Variants in RBKS observed in about 807,000 individuals in gnomAD.
RBKS encodes the protein ribokinase.
A neutral mutation model predicts 33.9 loss-of-function variants in RBKS; 33 were observed. The observed-to-expected ratio is 0.97, with a 90% CI of 0.74 to 1.30. The LOEUF (loss-of-function observed/expected upper bound fraction) is 1.30. Ranked by LOEUF, RBKS falls within the 50% of genes most tolerant of loss-of-function variation. The pLI is 0.00. For missense variants in RBKS, 361 were observed against 392.6 expected, an observed-to-expected ratio of 0.92 and a Z score of 0.68; for synonymous variants, 125 against 143.0, an observed-to-expected ratio of 0.87 and a Z score of 0.90.
chr2:27,798,206 A>C (rs1677697263), intron 7 of RBKS, among the ~76,000 whole-genome samples: 1 of 152,160 alleles, frequency 6.6e-6, no homozygotes, highest in Non-Finnish European at 1.5e-5. Context: ...GTATGTAGCC[A>C]TACAGTTTCA....
chr2:27,820,595 T>A (rs944970437), intron 7 of RBKS, among the ~76,000 whole-genome samples: 2 of 151,874 alleles, frequency 1.3e-5, no homozygotes, highest in Non-Finnish European at 2.9e-5. Flanking sequence ...TTCTTTTTCT[T>A]GAGACAGGGT....
chr2:27,786,653 G>A (rs1010493403), intron 7 of RBKS, among the ~76,000 whole-genome samples: 1 of 152,042 alleles, frequency 6.6e-6, no homozygotes, highest in African/African-American at 2.4e-5. Flanking sequence ...GTGGTGGTGG[G>A]TGCCTGTAAT....
At chr2:27,811,805 G>A (rs1213643335) in intron 7 of RBKS, among the ~76,000 whole-genome samples, 2 of 152,132 alleles carry the variant, frequency 1.3e-5, no homozygotes, top group South Asian at 2.1e-4. Flanking sequence ...TTGCTGGTCC[G>A]GGTAATCATG....
At chr2:27,781,953 C>T (rs1677295689) in intron 7 of RBKS, among the ~76,000 whole-genome samples, 165 bp from the exon 8 acceptor site, 1 of 152,166 alleles carries the variant, frequency 6.6e-6, no homozygotes, top group African/African-American at 2.4e-5. Flanking sequence ...TCTGTTAACA[C>T]CTTACTGTGG....
chr2:27,864,435 T>C (rs1159016100), intron 1 of RBKS, among the ~76,000 whole-genome samples: 3 of 152,318 alleles, frequency 2.0e-5, no homozygotes, highest in African/African-American at 7.2e-5. Flanking sequence ...TTTCACAATG[T>C]CATATCCTTG....
In RBKS at chr2:27,827,740, C is replaced by A; in HGVS notation, c.622G>T (p.Gly208Cys). The A allele has an allele frequency of 1.9e-6, 3 of 1,600,504 alleles. No individual in the cohort carries two copies. Among genetic ancestry groups the A allele is most frequent in the Non-Finnish European group, 2.6e-6 (3 of 1,175,490 alleles). The change falls in exon 7 of 8, where the codon GGC becomes TGC. Residue 208 changes from glycine (G) to cysteine (C), a missense_variant. Physicochemically the swap from Gly to Cys is radical, Grantham distance 159 (BLOSUM62 -3). Coordinates refer to ENST00000302188, the MANE Select transcript of RBKS (RefSeq NM_022128.3). ...CNESEAEILTGLTVGSAADAG... is the reference protein window; with the variant it reads ...CNESEAEILTCLTVGSAADAG... ...TCTGCAGCGCTGCCCACCGTGAGGC[C>A]AGTTAAAATCTCAGCCTAGAATACA... is the stretch of plus-strand genomic sequence containing the variant.
intron 1 of RBKS, among the ~76,000 whole-genome samples, chr2:27,887,648 T>A (rs1266159038): frequency 1.3e-5 from 2 of 152,118 alleles, no homozygotes; most frequent in Non-Finnish European, 2.9e-5. Context: ...GGGAATACAG[T>A]TTTTACTAAT....
intron 1 of RBKS, among the ~76,000 whole-genome samples, chr2:27,882,521 A>G (rs1664439300): frequency 6.6e-6 from 1 of 152,196 alleles, no homozygotes; most frequent in Admixed American, 6.5e-5. Flanking sequence ...CAGGGTTGCA[A>G]TTCCTTCAGA....
intron 1 of RBKS, among the ~76,000 whole-genome samples, chr2:27,873,088 G>C (rs567143072): frequency 7.2e-5 from 11 of 152,216 alleles, no homozygotes; most frequent in Admixed American, 3.3e-4. Context: ...CCATTTCCTA[G>C]GAACCTTCCC....
intron 1 of RBKS, among the ~76,000 whole-genome samples, chr2:27,866,966 T>C (rs940752205): frequency 5.9e-5 from 9 of 152,060 alleles, no homozygotes; most frequent in Non-Finnish European, 1.2e-4. Context: ...TAGCTGGGTA[T>C]GGTGGCGTGC....
At chr2:27,842,264 G>C (rs1249623644) in intron 5 of RBKS, among the ~76,000 whole-genome samples, 1 of 152,186 alleles carries the variant, frequency 6.6e-6, no homozygotes, top group Non-Finnish European at 1.5e-5. Flanking sequence ...AGAGGAGTGA[G>C]TGGGAGAAAA....
chr2:27,843,761 C>T (rs1663562360), intron 4 of RBKS, among the ~76,000 whole-genome samples: 3 of 152,248 alleles, frequency 2.0e-5, no homozygotes, highest in Admixed American at 6.5e-5. Flanking sequence ...GAGAGGGATA[C>T]CTGGCTTATA....
intron 7 of RBKS, among the ~76,000 whole-genome samples, chr2:27,783,988 T>C (rs1357929298): frequency 2.2e-3 from 186 of 83,992 alleles, no homozygotes; most frequent in African/African-American, 7.9e-3. Flanking sequence ...TTTTTTTTTT[T>C]TTTTTTTTTT....
chr2:27,807,034 C>A (rs151264238), intron 7 of RBKS, among the ~76,000 whole-genome samples: 88 of 152,278 alleles, frequency 5.8e-4, no homozygotes, highest in African/African-American at 2.0e-3. Flanking sequence ...GGAACTCCAC[C>A]ATTGGCCAAA....
chr2:27,794,716 C>T (rs536893541), intron 7 of RBKS, among the ~76,000 whole-genome samples: 10 of 151,736 alleles, frequency 6.6e-5, no homozygotes, highest in Admixed American at 3.9e-4. Flanking sequence ...CTCTGCCTCC[C>T]GGGTTCAAGC....
At chr2:27,815,205 T>C (rs1008093560) in intron 7 of RBKS, among the ~76,000 whole-genome samples, 1 of 151,490 alleles carries the variant, frequency 6.6e-6, no homozygotes, top group Non-Finnish European at 1.5e-5. Flanking sequence ...CTCTAGGTGG[T>C]TTTTTTTCCC....
intron 7 of RBKS, among the ~76,000 whole-genome samples, chr2:27,824,421 G>T (rs1678275382): frequency 1.3e-5 from 2 of 151,900 alleles, no homozygotes. Context: ...ACCCATCTAT[G>T]CTCTGTATCT....
At chr2:27,798,367 C>A (rs556410047) in intron 7 of RBKS, among the ~76,000 whole-genome samples, 85 of 152,264 alleles carry the variant, frequency 5.6e-4, no homozygotes, top group African/African-American at 2.0e-3. Context: ...GAAATGAACT[C>A]AAAACTCTGC....
chr2:27,878,395 G>A (rs1573079324), intron 1 of RBKS, among the ~76,000 whole-genome samples: 1 of 151,154 alleles, frequency 6.6e-6, no homozygotes, highest in East Asian at 1.9e-4. Context: ...ATTCCATGGT[G>A]TATATGTGCC....
Sources: gnomAD v4.1 joint callset for allele counts (sites outside exome capture counted in the v4.1 genomes callset) on GRCh38, gnomAD v4.1.1 for gene constraint, MANE v1.5 for transcripts, NCBI Gene and HGNC (gene_info 2026-07-23, HGNC 2026-07-21) for gene names.